Variants in OSBPL6 observed in about 807,000 individuals in gnomAD.
OSBPL6 encodes oxysterol-binding protein-related protein 6.
A neutral mutation model predicts 125.8 loss-of-function variants in OSBPL6; 49 were observed. That is an observed-to-expected ratio of 0.39 (90% CI 0.31 to 0.49). OSBPL6 has a LOEUF of 0.49. Ranked by LOEUF, OSBPL6 falls within the 20% of genes least tolerant of loss-of-function variation. The pLI is 0.88. For synonymous variants in OSBPL6, 394 were observed against 391.8 expected (o/e 1.01, Z -0.07); for missense variants, 986 against 1,135.4 (o/e 0.87, Z 1.89).
chr2:178,256,661 G>A (rs1553535744), intron 1 of OSBPL6, among the ~76,000 whole-genome samples: 1 of 152,180 alleles, frequency 6.6e-6, no homozygotes, highest in Non-Finnish European at 1.5e-5. Context: ...TTCTTAAGAA[G>A]TTCTGGAGCA....
chr2:178,212,821 T>C (rs2089921019), intron 1 of OSBPL6, among the ~76,000 whole-genome samples: 4 of 152,156 alleles, frequency 2.6e-5, no homozygotes, highest in Admixed American at 2.6e-4. Flanking sequence ...AATTTTTTTT[T>C]TTTTTGAGAT....
intron 1 of OSBPL6, among the ~76,000 whole-genome samples, chr2:178,219,676 G>A (rs2090255487): frequency 6.6e-6 from 1 of 152,152 alleles, no homozygotes; most frequent in Admixed American, 6.5e-5. Context: ...CCCCTTTCCA[G>A]CAAGATTCTA....
At chr2:178,215,912 T>C (rs766943020) in intron 1 of OSBPL6, among the ~76,000 whole-genome samples, 37 of 152,204 alleles carry the variant, frequency 2.4e-4, no homozygotes, top group Non-Finnish European at 4.3e-4. Flanking sequence ...ACACTGGGTC[T>C]GGTGCGTGAC....
intron 22 of OSBPL6, 88 bp from the exon 23 acceptor site, chr2:178,392,324 G>A: frequency 2.8e-6 from 4 of 1,430,640 alleles, no homozygotes; most frequent in Middle Eastern, 1.8e-4. Context: ...TTTGGTGTTA[G>A]TGTAGGTACT....
At chr2:178,377,518 A>G (rs1693991886) in intron 15 of OSBPL6, among the ~76,000 whole-genome samples, 1 of 152,176 alleles carries the variant, frequency 6.6e-6, no homozygotes, top group Non-Finnish European at 1.5e-5. Flanking sequence ...AGGTCTCCCC[A>G]GAAGGCTCCT....
chr2:178,195,997 T>G (rs1038728999), intron 1 of OSBPL6, among the ~76,000 whole-genome samples: 1 of 151,900 alleles, frequency 6.6e-6, no homozygotes, highest in African/African-American at 2.4e-5. Flanking sequence ...CTTTCATCCT[T>G]CCCCCCGCCC....
chr2:178,351,108 G>T (rs937209805), intron 12 of OSBPL6, among the ~76,000 whole-genome samples: 1 of 152,012 alleles, frequency 6.6e-6, no homozygotes, highest in Non-Finnish European at 1.5e-5. Flanking sequence ...TTATAATAAA[G>T]GTCCTTTATT....
rs546194426 is a variant in OSBPL6, at chr2:178,399,854, A to G, written c.*4295A>G. The stretch of plus-strand genomic sequence containing the variant: ...TTCAGTTAGCCTCCTAGTGAATACT[A>G]TTAATTTTTCATGGATTACATATTA... On this transcript the variant is annotated 3_prime_UTR_variant, in exon 25 of 25. Coordinates refer to ENST00000190611, the MANE Select transcript of OSBPL6 (RefSeq NM_032523.4). 2.6e-5 allele frequency: 4 copies of G among 152,368 alleles called. No homozygotes were observed. Among genetic ancestry groups the G allele is most frequent in the Non-Finnish European group, 4.4e-5 (3 of 68,036 alleles). 9.4% of individuals were successfully genotyped at this position (152,368 alleles called of 1,614,324 possible). A position where few individuals can be genotyped will look rare whatever the true frequency, so the allele number is the denominator to read the frequency against.
intron 1 of OSBPL6, among the ~76,000 whole-genome samples, chr2:178,265,104 AC>A (rs1430440912): frequency 2.2e-5 from 3 of 134,720 alleles, no homozygotes; most frequent in African/African-American, 8.6e-5. Flanking sequence ...CGGGTCTTTA[AC>A]TCCTGGTCTC....
At chr2:178,221,855 C>A (rs943915098) in intron 1 of OSBPL6, among the ~76,000 whole-genome samples, 2 of 152,188 alleles carry the variant, frequency 1.3e-5, no homozygotes, top group African/African-American at 4.8e-5. Context: ...CTTCACTTTC[C>A]TGAGTTCAGA....
rs999541494 is a variant in OSBPL6, at chr2:178,395,617, C to T, written c.*58C>T. On this transcript the variant is annotated 3_prime_UTR_variant, in exon 25 of 25. Coordinates refer to ENST00000190611, the MANE Select transcript of OSBPL6 (RefSeq NM_032523.4). ...TTCTGAATGAATAAATAACTATGCA[C>T]AATTATGTTTCTTATAGCTATGTGT... is the stretch of plus-strand genomic sequence containing the variant. 1.2e-5 allele frequency: 16 copies of T among 1,299,110 alleles called. No individual in the cohort carries two copies. Among genetic ancestry groups the T allele is most frequent in the South Asian group, 2.5e-5 (2 of 80,956 alleles). 80.5% of individuals were successfully genotyped at this position (1,299,110 alleles called of 1,614,324 possible).
At chr2:178,238,462 A>T (rs1462064781) in intron 1 of OSBPL6, among the ~76,000 whole-genome samples, 1 of 152,216 alleles carries the variant, frequency 6.6e-6, no homozygotes, top group Non-Finnish European at 1.5e-5. Flanking sequence ...CAGTTCAGAT[A>T]TGCCAAAGAG....
intron 1 of OSBPL6, among the ~76,000 whole-genome samples, chr2:178,229,387 C>T (rs558702050): frequency 3.3e-4 from 51 of 152,266 alleles, no homozygotes; most frequent in African/African-American, 9.6e-4. Context: ...TCTCCCTACC[C>T]GCCTTTGAAG....
chr2:178,229,743 T>C (rs1032407918), intron 1 of OSBPL6, among the ~76,000 whole-genome samples: 3 of 152,158 alleles, frequency 2.0e-5, no homozygotes, highest in Non-Finnish European at 2.9e-5. Context: ...AGTGGGAGAA[T>C]TGTTTGAGCC....
chr2:178,296,992 G>GT (rs1378637308), intron 2 of OSBPL6, among the ~76,000 whole-genome samples: 1 of 152,188 alleles, frequency 6.6e-6, no homozygotes, highest in Non-Finnish European at 1.5e-5. Flanking sequence ...ATGAGATGTT[G>GT]TAATTAGTAG....
At chr2:178,273,472 C>T (rs962867675) in intron 1 of OSBPL6, among the ~76,000 whole-genome samples, 4 of 151,824 alleles carry the variant, frequency 2.6e-5, no homozygotes, top group South Asian at 2.1e-4. Flanking sequence ...CCCAGCTACT[C>T]GGGAGGCTGA....
intron 2 of OSBPL6, among the ~76,000 whole-genome samples, chr2:178,287,167 A>AAAAC (rs1684783453): frequency 1.4e-5 from 2 of 147,600 alleles, no homozygotes; most frequent in Non-Finnish European, 3.0e-5. Flanking sequence ...AAAAAAAAAA[A>AAAAC]AACAAATTAT....
intron 1 of OSBPL6, among the ~76,000 whole-genome samples, chr2:178,263,621 A>T (rs908147027): frequency 2.0e-5 from 3 of 152,220 alleles, no homozygotes; most frequent in Admixed American, 2.0e-4. Flanking sequence ...CAGAACCATG[A>T]CTAGAAACCC....
chr2:178,221,635 C>T (rs561220719), intron 1 of OSBPL6, among the ~76,000 whole-genome samples: 50 of 152,238 alleles, frequency 3.3e-4, no homozygotes, highest in African/African-American at 1.0e-3. Context: ...CAGTAAGCAC[C>T]GTCTATCAGC....
Sources: gnomAD v4.1 joint callset for allele counts (sites outside exome capture counted in the v4.1 genomes callset) on GRCh38, gnomAD v4.1.1 for gene constraint, MANE v1.5 for transcripts, NCBI Gene and HGNC (gene_info 2026-07-23, HGNC 2026-07-21) for gene names.